Variants in CACNA1D observed in about 807,000 individuals in gnomAD.
CACNA1D encodes the protein calcium voltage-gated channel subunit alpha1 D, also known as voltage-dependent L-type calcium channel subunit alpha-1D.
CACNA1D carries 55 observed loss-of-function variants against 257.1 expected under a neutral mutation model. The ratio of observed to expected loss-of-function variants is 0.21; its 90% CI spans 0.17 to 0.27. CACNA1D has a LOEUF of 0.27. Ranked by LOEUF, CACNA1D falls within the 10% of genes least tolerant of loss-of-function variation. The probability of loss-of-function intolerance (pLI) is 1.00; values close to 1 mark genes in which losing one functional copy is unlikely to be tolerated. For synonymous variants in CACNA1D, 980 were observed against 1,014.9 expected, an observed-to-expected ratio of 0.97 and a Z score of 0.65; for missense variants, 1,876 against 2,784.0, an observed-to-expected ratio of 0.67 and a Z score of 7.34.
intron 20 of CACNA1D, 122 bp downstream of exon 20, chr3:53,735,625 C>A: frequency 1.8e-6 from 2 of 1,101,830 alleles, no homozygotes; most frequent in Non-Finnish European, 2.7e-6. Flanking sequence ...TTTCCTTCAG[C>A]TGGGGACGTT....
intron 44 of CACNA1D, among the ~76,000 whole-genome samples, chr3:53,804,100 T>C (rs556038273): frequency 1.2e-4 from 19 of 152,154 alleles, no homozygotes; most frequent in African/African-American, 4.3e-4. Context: ...TGTTTGTTAG[T>C]ACAATGGGCA....
At chr3:53,634,129 G>T (rs2093854297) in intron 3 of CACNA1D, among the ~76,000 whole-genome samples, 1 of 152,150 alleles carries the variant, frequency 6.6e-6, no homozygotes, top group Non-Finnish European at 1.5e-5. Flanking sequence ...GACATATAAA[G>T]GCAGCTTTAA....
At chr3:53,809,790 A>G in intron 46 of CACNA1D, 188 bp from the exon 47 acceptor site, 1 of 631,570 alleles carries the variant, frequency 1.6e-6, no homozygotes, top group Admixed American at 2.6e-5. Flanking sequence ...AAGAAAGCAC[A>G]GTCTGCTAGA....
At chr3:53,603,071 G>T (rs2093465247) in intron 3 of CACNA1D, among the ~76,000 whole-genome samples, 2 of 152,224 alleles carry the variant, frequency 1.3e-5, no homozygotes, top group Admixed American at 1.3e-4. Flanking sequence ...AGCCGTGAAG[G>T]CCAGGAGGGC....
intron 19 of CACNA1D, among the ~76,000 whole-genome samples, chr3:53,734,875 C>A (rs980882358): frequency 6.6e-6 from 1 of 152,170 alleles, no homozygotes; most frequent in Non-Finnish European, 1.5e-5. Context: ...AATAGTATGA[C>A]CTTGCACCTG....
chr3:53,686,063 T>G (rs1468234395), intron 8 of CACNA1D, among the ~76,000 whole-genome samples: 1 of 152,012 alleles, frequency 6.6e-6, no homozygotes, highest in Non-Finnish European at 1.5e-5. Context: ...CCACAGATAT[T>G]ACAGACATTA....
chr3:53,615,929 T>C (rs1449269491), intron 3 of CACNA1D, among the ~76,000 whole-genome samples: 1 of 152,222 alleles, frequency 6.6e-6, no homozygotes, highest in African/African-American at 2.4e-5. Context: ...TTTCTGTATT[T>C]TTGTTACAGC....
At chr3:53,721,598 C>T (rs1284329001) in intron 11 of CACNA1D, among the ~76,000 whole-genome samples, 1 of 152,160 alleles carries the variant, frequency 6.6e-6, no homozygotes, top group Non-Finnish European at 1.5e-5. Flanking sequence ...GGAGGACATG[C>T]TACTTGTCTG....
intron 3 of CACNA1D, among the ~76,000 whole-genome samples, chr3:53,548,790 A>G (rs2092469151): frequency 6.6e-6 from 1 of 152,192 alleles, no homozygotes; most frequent in Non-Finnish European, 1.5e-5. Flanking sequence ...GTTTGCATAA[A>G]CGTTCCCATT....
chr3:53,760,600 C>T (rs894189551), intron 29 of CACNA1D, among the ~76,000 whole-genome samples: 29 of 152,238 alleles, frequency 1.9e-4, no homozygotes, highest in Non-Finnish European at 3.8e-4. Flanking sequence ...CCCCACCACC[C>T]TCTCCAACCG....
chr3:53,576,824 A>C (rs2093046932), intron 3 of CACNA1D, among the ~76,000 whole-genome samples: 1 of 152,190 alleles, frequency 6.6e-6, no homozygotes, highest in African/African-American at 2.4e-5. Context: ...TTCAATTTTC[A>C]TGCTGATTCA....
At position 53,723,935 on chromosome 3, in the gene CACNA1D, A is replaced by G. The variant is rs1211486180; in HGVS notation, c.2036A>G (p.Asp679Gly). ...MQLFGGKFNF[D>G]ETQTKRSTFD... ...CTGTTTGGCGGCAAGTTTAATTTTG[A>G]TGAAACGCAAACCAAGCGGAGCACC... The change falls in exon 14 of 48, where the codon GAT (aspartate) becomes GGT (glycine). Residue 679 changes from aspartate (D) to glycine (G), a missense_variant. Asp to Gly is a moderately conservative substitution (Grantham distance 94, BLOSUM62 -1). Transcript: ENST00000350061. The surrounding 1 kb of genome is among the most constrained non-coding windows in gnomAD (Gnocchi z 5.6). 2 of 1,614,132 alleles carry G rather than the reference A, an allele frequency of 1.2e-6. No individual in the cohort carries two copies. Among genetic ancestry groups the G allele is most frequent in the East Asian group, 4.5e-5 (2 of 44,874 alleles).
intron 3 of CACNA1D, among the ~76,000 whole-genome samples, chr3:53,616,551 G>C (rs148159414): frequency 6.6e-6 from 1 of 152,114 alleles, no homozygotes; most frequent in African/African-American, 2.4e-5. Flanking sequence ...GCTTTCTTCC[G>C]TCTTCTTCCT....
At chr3:53,515,546 G>C (rs2091299010) in intron 3 of CACNA1D, among the ~76,000 whole-genome samples, 1 of 152,150 alleles carries the variant, frequency 6.6e-6, no homozygotes, top group Non-Finnish European at 1.5e-5. Context: ...TTGCCCAAGA[G>C]CAAACAGCAA....
chr3:53,790,127 T>C (rs532867033), intron 40 of CACNA1D, among the ~76,000 whole-genome samples: 2 of 152,364 alleles, frequency 1.3e-5, no homozygotes, highest in African/African-American at 2.4e-5. Context: ...CTACATGCCA[T>C]GTTCACTTTG....
chr3:53,741,232 C>A (rs576057521), intron 21 of CACNA1D, among the ~76,000 whole-genome samples: 14 of 152,272 alleles, frequency 9.2e-5, no homozygotes, highest in African/African-American at 3.4e-4. Context: ...TCTGGGAGAA[C>A]GTGGCCCATC....
chr3:53,761,024 G>A (rs927691469), intron 29 of CACNA1D, among the ~76,000 whole-genome samples: 5 of 152,194 alleles, frequency 3.3e-5, no homozygotes, highest in Non-Finnish European at 7.3e-5. Context: ...GCAGACAGCC[G>A]GGACTGCGAA....
intron 32 of CACNA1D, among the ~76,000 whole-genome samples, chr3:53,771,771 A>G (rs2095367589): frequency 6.6e-6 from 1 of 152,272 alleles, no homozygotes; most frequent in Non-Finnish European, 1.5e-5. Context: ...AGCAGTTCAT[A>G]AAAGCAGAGA....
rs769022219 is a variant in CACNA1D, at chr3:53,762,098, C to A, written c.3870+17C>A. On this transcript the variant is annotated intron_variant, in intron 30 of 47. Transcript: ENST00000350061. Reference sequence around the variant, plus strand: ...GAAGCAGACGTGAGTATGCACCTGGCGTGGCCGCCACCTGTGTCCTCTCTC... The same window carrying A: ...GAAGCAGACGTGAGTATGCACCTGGAGTGGCCGCCACCTGTGTCCTCTCTC... 2.6e-6 allele frequency: 4 copies of A among 1,537,368 alleles called. No individual in the cohort carries two copies. The highest frequency in any genetic ancestry group is 3.6e-6 in the Non-Finnish European group (4 of 1,109,952).
Sources: gnomAD v4.1 joint callset for allele counts (sites outside exome capture counted in the v4.1 genomes callset) on GRCh38, gnomAD v4.1.1 for gene constraint, Gnocchi (gnomAD v3.1) non-coding constraint, MANE v1.5 for transcripts, NCBI Gene and HGNC (gene_info 2026-07-23, HGNC 2026-07-21) for gene names.